Variants in BAHCC1 observed in about 807,000 individuals in gnomAD.
BAHCC1 encodes the protein BAH and coiled-coil domain-containing protein 1.
Under a neutral mutation model 88.2 loss-of-function variants are expected in BAHCC1, and 43 were observed. That is an observed-to-expected ratio of 0.49 (90% CI 0.38 to 0.63). The LOEUF is 0.63. Ranked by LOEUF, BAHCC1 falls within the 20% of genes least tolerant of loss-of-function variation. The probability of loss-of-function intolerance (pLI) is 0.00; values close to 1 mark genes in which losing one functional copy is unlikely to be tolerated. For synonymous variants in BAHCC1, 1,510 were observed against 745.5 expected, an observed-to-expected ratio of 2.03 and a Z score of -16.71; for missense variants, 3,023 against 1,654.8, an observed-to-expected ratio of 1.83 and a Z score of -14.34.
intron 3 of BAHCC1, among the ~76,000 whole-genome samples, chr17:81,428,880 G>C (rs1339120351): frequency 6.6e-6 from 1 of 152,244 alleles, no homozygotes; most frequent in Non-Finnish European, 1.5e-5. Context: ...AGTCCCCCTG[G>C]CTGGGTGGGA....
At chr17:81,453,821 C>A (rs2064693752) in intron 14 of BAHCC1, among the ~76,000 whole-genome samples, 1 of 152,270 alleles carries the variant, frequency 6.6e-6, no homozygotes, top group South Asian at 2.1e-4. Context: ...CTCCTGCCCT[C>A]ACTCATCCAG....
chr17:81,432,444 G>C (rs1190896605), intron 3 of BAHCC1, among the ~76,000 whole-genome samples: 2 of 149,550 alleles, frequency 1.3e-5, no homozygotes, highest in Non-Finnish European at 3.0e-5. Context: ...GAAGGTTTTG[G>C]GGGTCGTGTG....
rs187989327 is a variant in BAHCC1 at position 81,411,126 on chromosome 17, G to A, written c.178+11209G>A. ...TCTCAGTCCCGCAGCCGTCCTCTGC[G>A]TGAGTCCATTCATCACGTGCCTGCA... On this transcript the variant is annotated intron_variant, in intron 2 of 27. Coordinates refer to ENST00000675386, the MANE Select transcript of BAHCC1 (RefSeq NM_001377448.1). This position sits in a 1 kb window ranked among gnomAD's most constrained non-coding sequence, Gnocchi z 6.2. The A allele has an allele frequency of 1.5e-4, 77 of 519,376 alleles. No homozygotes were observed. Among genetic ancestry groups the A allele is most frequent in the African/African-American group, 1.4e-3 (73 of 52,028 alleles). The allele number at this position is 519,376 out of a possible 1,614,324, so 32.2% of individuals were successfully genotyped here. A position where few individuals can be genotyped will look rare whatever the true frequency, so the allele number is the denominator to read the frequency against.
At chr17:81,446,891 C>T in intron 10 of BAHCC1, 145 bp from the exon 11 acceptor site, 1 of 670,648 alleles carries the variant, frequency 1.5e-6, no homozygotes, top group Non-Finnish European at 2.7e-6. Flanking sequence ...TTCCCCGCCA[C>T]CAGTCTTGCA....
intron 2 of BAHCC1, chr17:81,410,130 TC>T: frequency 3.5e-6 from 1 of 288,262 alleles, no homozygotes; most frequent in Non-Finnish European, 7.4e-6. Flanking sequence ...CCCGGTGCCC[TC>T]CCAGGAGCAC....
At chr17:81,427,241 G>A (rs1287560129) in intron 3 of BAHCC1, among the ~76,000 whole-genome samples, 3 of 152,314 alleles carry the variant, frequency 2.0e-5, no homozygotes, top group East Asian at 3.9e-4. Context: ...GGAAACAGGG[G>A]GGCCAGGAGG....
At chr17:81,449,087 C>T (rs1298168049) in intron 11 of BAHCC1, among the ~76,000 whole-genome samples, 1 of 152,184 alleles carries the variant, frequency 6.6e-6, no homozygotes, top group Non-Finnish European at 1.5e-5. Context: ...TGAATGCCTG[C>T]AGGACAGGAG....
chr17:81,407,700 G>A (rs2063898387), intron 2 of BAHCC1, among the ~76,000 whole-genome samples: 1 of 152,228 alleles, frequency 6.6e-6, no homozygotes, highest in Admixed American at 6.5e-5. Context: ...TCTTGGGTGA[G>A]GCCCACTCTG....
At chr17:81,429,575 C>T (rs920290124) in intron 3 of BAHCC1, among the ~76,000 whole-genome samples, 4 of 152,170 alleles carry the variant, frequency 2.6e-5, no homozygotes, top group Non-Finnish European at 5.9e-5. Context: ...GGGCCTGTTT[C>T]TCTGCCGTGT....
At chr17:81,440,427 C>G (rs189422049) in intron 4 of BAHCC1, among the ~76,000 whole-genome samples, 1 of 152,376 alleles carries the variant, frequency 6.6e-6, no homozygotes, top group Non-Finnish European at 1.5e-5. Context: ...TTCCCGCTCC[C>G]CTTCCCCCTT....
intron 14 of BAHCC1, among the ~76,000 whole-genome samples, chr17:81,453,996 G>GGCCAC (rs782188416): frequency 3.3e-4 from 50 of 152,222 alleles, no homozygotes; most frequent in Non-Finnish European, 6.5e-4. Flanking sequence ...AGGGACATCC[G>GGCCAC]GCCACGCCAG....
Position 81,447,189 on chromosome 17 carries a change from C to T in BAHCC1, c.3317C>T (p.Pro1106Leu), listed in dbSNP as rs199925028. ...ACAAGGACATTCCTGCCTGGGGAGC[C>T]GCCTCCCTGCAGCCCCAGGAGCCTG... The part of the protein sequence containing the change: ...EPTRTFLPGE[P>L]PPCSPRSLEE... The change falls in exon 11 of 28, where the codon CCG becomes CTG. Residue 1106 changes from proline (P) to leucine (L), a missense_variant. Physicochemically the swap from Pro to Leu is moderately conservative, Grantham distance 98. Coordinates refer to ENST00000675386, the MANE Select transcript of BAHCC1 (RefSeq NM_001377448.1). 1.4e-4 allele frequency: 109 copies of T among 766,578 alleles called. No individual in the cohort carries two copies. Among genetic ancestry groups the T allele is most frequent in the Middle Eastern group, 2.3e-4 (1 of 4,394 alleles). 47.5% of individuals were successfully genotyped at this position (766,578 alleles called of 1,614,324 possible). A position where few individuals can be genotyped will look rare whatever the true frequency, so the allele number is the denominator to read the frequency against.
chr17:81,440,888 C>T (rs1275129793), intron 4 of BAHCC1, among the ~76,000 whole-genome samples: 3 of 152,236 alleles, frequency 2.0e-5, no homozygotes, highest in Non-Finnish European at 2.9e-5. Context: ...GGGCTGGGAG[C>T]TCCCAGGGTG....
Position 81,461,369 on chromosome 17 carries a change from A to G in BAHCC1, c.6706A>G (p.Lys2236Glu), listed in dbSNP as rs1214684631. ...LLMGDKDFSP[K>E]LGRPLPSPSY... The stretch of plus-strand genomic sequence containing the variant: ...CATGGGGGACAAGGACTTCAGCCCC[A>G]AGCTCGGGCGGCCCCTGCCCAGCCC... Residue 2236 changes from lysine (K) to glutamate (E), a missense_variant, in exon 26 of 28, where the codon AAG becomes GAG. Coordinates refer to ENST00000675386, the MANE Select transcript of BAHCC1 (RefSeq NM_001377448.1). The G allele has an allele frequency of 1.4e-6, 1 of 723,344 alleles. No individual in the cohort carries two copies. The highest frequency in any genetic ancestry group is 2.5e-6 in the Non-Finnish European group (1 of 393,038). 44.8% of individuals were successfully genotyped at this position (723,344 alleles called of 1,614,324 possible).
At chr17:81,412,076 C>T (rs947303274) in intron 2 of BAHCC1, among the ~76,000 whole-genome samples, 1 of 152,238 alleles carries the variant, frequency 6.6e-6, no homozygotes, top group Non-Finnish European at 1.5e-5. Context: ...GGTCCCCCGT[C>T]CCTGGCCGGT....
rs1555659579 is a variant in BAHCC1 at position 81,461,846 on chromosome 17, G to A, written c.7183G>A (p.Ala2395Thr). Reference protein sequence around the residue: ...AHAQRCFLSRATVAGTGAGSG... With the variant: ...AHAQRCFLSRTTVAGTGAGSG... ...TGCCCAGCGCTGCTTCCTGTCCAGG[G>A]CCACGGTGGCTGGCACCGGTGCGGG... Residue 2395 changes from alanine to threonine, a missense_variant, in exon 26 of 28, where the codon GCC becomes ACC. Ala to Thr is a moderately conservative substitution (Grantham distance 58). Coordinates refer to ENST00000675386, the MANE Select transcript of BAHCC1 (RefSeq NM_001377448.1). 2.8e-6 allele frequency: 2 copies of A among 720,058 alleles called. No individual in the cohort carries two copies. The highest frequency in any genetic ancestry group is 2.7e-5 in the East Asian group (1 of 37,424). 44.6% of individuals were successfully genotyped at this position (720,058 alleles called of 1,614,324 possible).
chr17:81,399,408 T>C lies in BAHCC1; in HGVS notation c.-206-126T>C, dbSNP rs2143154051. 1.9e-5 allele frequency: 2 copies of C among 105,782 alleles called. No homozygotes were observed. Among genetic ancestry groups the C allele is most frequent in the African/African-American group, 3.6e-5 (1 of 27,568 alleles). The allele number at this position is 105,782 out of a possible 1,614,324, so 6.6% of individuals were successfully genotyped here. On this transcript the variant is annotated intron_variant, in intron 1 of 27. Transcript: ENST00000675386. This position sits in a 1 kb window ranked among gnomAD's most constrained non-coding sequence, Gnocchi z 4.5. ...AGCGCCCCGGCCCCGCCACCCGGCC[T>C]GGCCGCCGCTCGCTCGGGCCGGCGG...
At chr17:81,424,489 T>G (rs1871233) in intron 2 of BAHCC1, among the ~76,000 whole-genome samples, 8,941 of 152,212 alleles carry the variant, frequency 0.059, 673 homozygotes, top group African/African-American at 0.18. Flanking sequence ...CCCACCTGGG[T>G]GGTAGTGGTG....
Position 81,424,863 on chromosome 17 carries a change from G to C in BAHCC1, c.179-1937G>C, listed in dbSNP as rs542587615. 4.0e-5 allele frequency among the ~76,000 whole-genome samples: 6 copies of C among 151,674 alleles called. No homozygotes were observed. The East Asian group carries it at 1.2e-3, about 30-fold the overall frequency. ...GTTGGTGACAGGTGATGTGGTTGGT[G>C]GTGATGATGATGGTAGGTGATGTGG... On this transcript the variant is annotated intron_variant, in intron 2 of 27. Transcript: ENST00000675386.
Sources: gnomAD v4.1 joint callset for allele counts (sites outside exome capture counted in the v4.1 genomes callset) on GRCh38, gnomAD v4.1.1 for gene constraint, Gnocchi (gnomAD v3.1) non-coding constraint, MANE v1.5 for transcripts, NCBI Gene and HGNC (gene_info 2026-07-23, HGNC 2026-07-21) for gene names.